TSC22D1: variants seen among roughly 807,000 people sequenced by gnomAD.
TSC22D1 encodes TSC22 domain family protein 1.
In TSC22D1, 9 loss-of-function variants were observed where a neutral mutation model predicts 74.2. That is an observed-to-expected ratio of 0.12 (90% CI 0.07 to 0.21). TSC22D1 has a LOEUF of 0.21. Among genes scored for constraint, TSC22D1 ranks in the 10% least tolerant of loss-of-function variants. The pLI is 1.00. For synonymous variants in TSC22D1, 586 were observed against 492.5 expected, an observed-to-expected ratio of 1.19 and a Z score of -2.51; for missense variants, 1,427 against 1,304.7, an observed-to-expected ratio of 1.09 and a Z score of -1.44.
chr13:44,527,590 G>A (rs1880610357), intron 1 of TSC22D1, among the ~76,000 whole-genome samples: 1 of 152,018 alleles, frequency 6.6e-6, no homozygotes, highest in African/African-American at 2.4e-5. Flanking sequence ...TAATAACAGA[G>A]AAGGCAGAAA....
chr13:44,570,765 T>G (rs1595177947), intron 1 of TSC22D1, among the ~76,000 whole-genome samples: 2 of 152,204 alleles, frequency 1.3e-5, no homozygotes, highest in African/African-American at 4.8e-5. Flanking sequence ...CTCCTGAGAC[T>G]AATGGTGACC....
chr13:44,537,778 TTAA>T, intron 1 of TSC22D1: 2 of 980,594 alleles, frequency 2.0e-6, no homozygotes, highest in African/African-American at 3.5e-5. Flanking sequence ...TTATTTATAA[TTAA>T]TGAGAAAAAA....
At chr13:44,471,002 A>G (rs950309521) in intron 1 of TSC22D1, among the ~76,000 whole-genome samples, 1 of 152,206 alleles carries the variant, frequency 6.6e-6, no homozygotes, top group African/African-American at 2.4e-5. Context: ...AGGAAATGTG[A>G]AATATAGTTT....
At chr13:44,503,901 TTAAA>T (rs1196272470) in intron 1 of TSC22D1, among the ~76,000 whole-genome samples, 1 of 151,962 alleles carries the variant, frequency 6.6e-6, no homozygotes, top group Non-Finnish European at 1.5e-5. Context: ...AAAAAATATT[TTAAA>T]TAAACTCATG....
At chr13:44,511,824 C>T (rs1328834653) in intron 1 of TSC22D1, among the ~76,000 whole-genome samples, 2 of 152,118 alleles carry the variant, frequency 1.3e-5, no homozygotes, top group Non-Finnish European at 2.9e-5. Flanking sequence ...TTAATTCAGA[C>T]ACTGAAGGAG....
chr13:44,522,689 G>A (rs137860866), intron 1 of TSC22D1, among the ~76,000 whole-genome samples: 2 of 152,124 alleles, frequency 1.3e-5, no homozygotes, highest in Non-Finnish European at 2.9e-5. Context: ...AGTTAACTCA[G>A]AAAGTATCAC....
At chr13:44,436,525 G>T in intron 1 of TSC22D1, 1 of 1,614,096 alleles carries the variant, frequency 6.2e-7, no homozygotes, top group Non-Finnish European at 8.5e-7. Context: ...TCTCACAGAA[G>T]CGTTTTCAGT....
At chr13:44,533,405 A>G (rs1399955730) in intron 1 of TSC22D1, among the ~76,000 whole-genome samples, 1 of 151,498 alleles carries the variant, frequency 6.6e-6, no homozygotes, top group Non-Finnish European at 1.5e-5. Context: ...TGTTGCAGTG[A>G]GCTGAGATCT....
At chr13:44,505,130 C>T (rs1879387963) in intron 1 of TSC22D1, among the ~76,000 whole-genome samples, 1 of 152,096 alleles carries the variant, frequency 6.6e-6, no homozygotes, top group South Asian at 2.1e-4. Flanking sequence ...ATGATTTGGT[C>T]AAAATATATA....
rs749650222 is a variant in TSC22D1, at chr13:44,576,066, C to T, written c.9G>A (p.Gln3=). MH[Q]PPESTAAAAA... ...CGGCCGCGGCGGTGGACTCAGGCGG[C>T]TGGTGCATTGTGTTGGGTACCGGGG... is the stretch of plus-strand genomic sequence containing the variant. The change falls in exon 1 of 3, where the codon CAG becomes CAA. Residue 3 remains glutamine (Q), a synonymous_variant. Transcript: ENST00000458659. 4.1e-5 allele frequency: 64 copies of T among 1,558,938 alleles called. No homozygotes were observed. In the East Asian group the frequency reaches 1.4e-3, roughly 34 times the overall value.
At chr13:44,564,445 C>T (rs529981999) in intron 1 of TSC22D1, among the ~76,000 whole-genome samples, 62 of 152,218 alleles carry the variant, frequency 4.1e-4, no homozygotes, top group African/African-American at 1.4e-3. Context: ...CAGAGGCAGC[C>T]TCTCAAAAAG....
At chr13:44,471,446 G>A (rs1877600428) in intron 1 of TSC22D1, among the ~76,000 whole-genome samples, 1 of 151,994 alleles carries the variant, frequency 6.6e-6, no homozygotes. Flanking sequence ...TAAATAGCCG[G>A]AATGTTAAAT....
At chr13:44,502,704 C>T (rs564377477) in intron 1 of TSC22D1, among the ~76,000 whole-genome samples, 15 of 152,206 alleles carry the variant, frequency 9.9e-5, no homozygotes, top group African/African-American at 3.6e-4. Context: ...AAACTGTGCC[C>T]CTACAGTGGC....
Position 44,575,655 on chromosome 13 carries a change from A to T in TSC22D1, c.420T>A (p.Asp140Glu). ...SIAEDTESYDDLDESHTEDLS... is the reference protein window; with the variant it reads ...SIAEDTESYDELDESHTEDLS... The stretch of plus-strand genomic sequence containing the variant: ...GATCTTCCGTGTGAGATTCATCCAG[A>T]TCATCATAGCTCTCAGTGTCCTCTG... The change falls in exon 1 of 3, where the codon GAT becomes GAA. Residue 140 changes from aspartate to glutamate, a missense_variant. This residue lies in a region of TSC22D1 where 1,343 missense variants were observed against 1,191.5 expected (regional missense o/e 1.13). Coordinates refer to ENST00000458659, the MANE Select transcript of TSC22D1 (RefSeq NM_183422.4). 1 of 1,614,210 alleles carries T rather than the reference A, an allele frequency of 6.2e-7. No homozygotes were observed. The highest frequency in any genetic ancestry group is 8.5e-7 in the Non-Finnish European group (1 of 1,180,034).
Position 44,574,604 on chromosome 13 carries a change from C to G in TSC22D1, c.1471G>C (p.Ala491Pro), listed in dbSNP as rs943970981. The G allele has an allele frequency of 6.2e-7, 1 of 1,614,050 alleles. No homozygotes were observed. The highest frequency in any genetic ancestry group is 1.7e-5 in the Admixed American group (1 of 60,004). ...TESVGSGEMG[A>P]PTVVVQQQQQ... Reference sequence around the variant, plus strand: ...TGCTGCTGCACCACCACAGTAGGGGCTCCCATCTCTCCACTTCCCACACTC... The same window carrying G: ...TGCTGCTGCACCACCACAGTAGGGGGTCCCATCTCTCCACTTCCCACACTC... The change falls in exon 1 of 3, where the codon GCC becomes CCC. Residue 491 changes from alanine to proline, a missense_variant. Ala to Pro is a conservative substitution (Grantham distance 27). This residue lies in a region of TSC22D1 where 1,343 missense variants were observed against 1,191.5 expected (regional missense o/e 1.13). Transcript: ENST00000458659.
rs1213797670 is a variant in TSC22D1 at position 44,575,202 on chromosome 13, A to T, written c.873T>A (p.Thr291=). 6.2e-7 allele frequency: 1 copy of T among 1,614,056 alleles called. No homozygotes were observed. Among genetic ancestry groups the T allele is most frequent in the South Asian group, 1.1e-5 (1 of 91,086 alleles). The change falls in exon 1 of 3, where the codon ACT becomes ACA. Residue 291 remains threonine, a synonymous_variant. Coordinates refer to ENST00000458659, the MANE Select transcript of TSC22D1 (RefSeq NM_183422.4). ...CTGTAGTACTTGGAGCACGCATATT[A>T]GTCATTACAGATGCAGGTGAACCAC... ...SSSGSPASVM[T]NMRAPSTTGG...
chr13:44,544,483 G>GA (rs35385067), intron 1 of TSC22D1, among the ~76,000 whole-genome samples: 14 of 143,564 alleles, frequency 9.8e-5, no homozygotes, highest in African/African-American at 1.3e-4. Context: ...CACATTTTTT[G>GA]AAAAAAAATA....
At chr13:44,474,353 T>G in intron 1 of TSC22D1, 1 of 846,258 alleles carries the variant, frequency 1.2e-6, no homozygotes, top group Non-Finnish European at 1.4e-6. Flanking sequence ...GTCCCAAAAT[T>G]CCATCTGTCC....
chr13:44,525,365 T>C (rs1880499662), intron 1 of TSC22D1, among the ~76,000 whole-genome samples: 1 of 152,082 alleles, frequency 6.6e-6, no homozygotes, highest in African/African-American at 2.4e-5. Flanking sequence ...GGCAGGAGGA[T>C]CACTTGAGCC....
Sources: allele counts gnomAD v4.1 joint callset (sites outside exome capture counted in the v4.1 genomes callset), GRCh38; gene constraint gnomAD v4.1.1; regional missense constraint gnomAD v4.1.1; transcripts MANE v1.5; gene names NCBI Gene and HGNC (gene_info 2026-07-23, HGNC 2026-07-21).